Variants in BMPR1B observed in about 807,000 individuals in gnomAD.
BMPR1B encodes the protein bone morphogenetic protein receptor type-1B.
A neutral mutation model predicts 59.1 loss-of-function variants in BMPR1B; 12 were observed. The ratio of observed to expected loss-of-function variants is 0.20; its 90% CI spans 0.13 to 0.33. The LOEUF (loss-of-function observed/expected upper bound fraction) is 0.33. Ranked by LOEUF, BMPR1B falls within the 10% of genes least tolerant of loss-of-function variation. BMPR1B has a pLI of 1.00. For synonymous variants in BMPR1B, 237 were observed against 207.3 expected, an observed-to-expected ratio of 1.14 and a Z score of -1.23; for missense variants, 550 against 610.9, an observed-to-expected ratio of 0.90 and a Z score of 1.05.
chr4:94,813,976 A>G (rs752998321), intron 1 of BMPR1B, among the ~76,000 whole-genome samples: 9 of 152,214 alleles, frequency 5.9e-5, no homozygotes, highest in Non-Finnish European at 8.8e-5. Context: ...TTAAGTTGCT[A>G]TGCCTATGAG....
At chr4:94,847,504 T>C (rs889671894) in intron 1 of BMPR1B, among the ~76,000 whole-genome samples, 1 of 152,190 alleles carries the variant, frequency 6.6e-6, no homozygotes, top group Non-Finnish European at 1.5e-5. Flanking sequence ...ATTGCAGCAC[T>C]GTTCACAATA....
chr4:94,816,590 C>T (rs186852774), intron 1 of BMPR1B, among the ~76,000 whole-genome samples: 3 of 152,106 alleles, frequency 2.0e-5, no homozygotes, highest in Admixed American at 2.0e-4. Context: ...CTTCATTTTG[C>T]CATCATTTTT....
chr4:94,985,189 C>T (rs987595288), intron 2 of BMPR1B, among the ~76,000 whole-genome samples: 1 of 151,738 alleles, frequency 6.6e-6, no homozygotes, highest in African/African-American at 2.4e-5. Context: ...CCTCTGTTGC[C>T]AGAGGAGGTC....
intron 2 of BMPR1B, among the ~76,000 whole-genome samples, chr4:94,886,068 A>G (rs963958226): frequency 6.6e-6 from 1 of 152,210 alleles, no homozygotes; most frequent in African/African-American, 2.4e-5. Context: ...CTGCATTTCC[A>G]AAAATCCAGG....
chr4:94,937,739 G>C (rs906642431), intron 2 of BMPR1B, among the ~76,000 whole-genome samples: 26 of 112,850 alleles, frequency 2.3e-4, no homozygotes, highest in African/African-American at 8.4e-4. Flanking sequence ...CACACACACA[G>C]ACACACACAA....
intron 3 of BMPR1B, among the ~76,000 whole-genome samples, chr4:95,083,037 C>CAAAAAAAAA (rs1171888403): frequency 3.3e-5 from 2 of 60,616 alleles, no homozygotes; most frequent in Non-Finnish European, 5.6e-5. Context: ...TACTCTGTCT[C>CAAAAAAAAA]AAAAAAAAAA....
chr4:94,780,200 A>C (rs1296332050), intron 1 of BMPR1B, among the ~76,000 whole-genome samples: 1 of 152,112 alleles, frequency 6.6e-6, no homozygotes, highest in Admixed American at 6.6e-5. Context: ...ACTAGCCCTC[A>C]GTAGCCACTA....
intron 6 of BMPR1B, among the ~76,000 whole-genome samples, chr4:95,118,549 A>G (rs1400715606): frequency 6.6e-6 from 1 of 152,164 alleles, no homozygotes; most frequent in Non-Finnish European, 1.5e-5. Flanking sequence ...GTGATTCTTA[A>G]CTTGCCTCTC....
intron 8 of BMPR1B, among the ~76,000 whole-genome samples, chr4:95,128,975 G>A (rs1349260903): frequency 6.9e-6 from 1 of 144,952 alleles, no homozygotes; most frequent in Non-Finnish European, 1.5e-5. Flanking sequence ...ATTTTTTTTT[G>A]TTCTCCTTTT....
chr4:94,867,610 T>C (rs1264622459), intron 1 of BMPR1B, among the ~76,000 whole-genome samples: 1 of 152,196 alleles, frequency 6.6e-6, no homozygotes, highest in Non-Finnish European at 1.5e-5. Flanking sequence ...TTCTCTCTGT[T>C]TTGTGAGCTT....
intron 4 of BMPR1B, among the ~76,000 whole-genome samples, chr4:95,112,717 G>T (rs1731716779): frequency 1.3e-5 from 2 of 152,060 alleles, no homozygotes; most frequent in Admixed American, 1.3e-4. Flanking sequence ...TCTCTTTGCA[G>T]ACAAGGGGTG....
chr4:94,767,861 T>G (rs1331705039), intron 1 of BMPR1B, among the ~76,000 whole-genome samples: 3 of 152,152 alleles, frequency 2.0e-5, no homozygotes, highest in Admixed American at 1.3e-4. Flanking sequence ...GGATACTATA[T>G]TCTTCCTCCT....
chr4:95,158,218 AC>A lies in BMPR1B; in HGVS notation c.*3546del, dbSNP rs1176671105. The A allele has an allele frequency of 3.9e-5, 6 of 152,214 alleles. No individual in the cohort carries two copies. Among genetic ancestry groups the A allele is most frequent in the South Asian group, 4.1e-4 (2 of 4,832 alleles). 9.4% of individuals were successfully genotyped at this position (152,214 alleles called of 1,614,324 possible). A position where few individuals can be genotyped will look rare whatever the true frequency, so the allele number is the denominator to read the frequency against. On this transcript the variant is annotated 3_prime_UTR_variant, in exon 13 of 13. Coordinates refer to ENST00000515059, the MANE Select transcript of BMPR1B (RefSeq NM_001203.3). Reference sequence around the variant, plus strand: ...TCCTCTTGTAAAACAAAACAAAAAAACAATGCCATATTTTTTGGAGAAAAGT... The same window carrying A: ...TCCTCTTGTAAAACAAAACAAAAAAAAATGCCATATTTTTTGGAGAAAAGT...
intron 3 of BMPR1B, among the ~76,000 whole-genome samples, chr4:95,060,935 G>C (rs1309826088): frequency 6.6e-6 from 1 of 152,010 alleles, no homozygotes; most frequent in Non-Finnish European, 1.5e-5. Context: ...GAGTTTTCCA[G>C]ATAAACACTT....
chr4:95,112,998 G>A (rs929864505), intron 4 of BMPR1B, among the ~76,000 whole-genome samples: 10 of 152,014 alleles, frequency 6.6e-5, no homozygotes, highest in South Asian at 2.1e-4. Flanking sequence ...CATATTTTCC[G>A]GTAATTTTTG....
At chr4:94,767,509 CTTA>C (rs1161084610) in intron 1 of BMPR1B, among the ~76,000 whole-genome samples, 2 of 152,124 alleles carry the variant, frequency 1.3e-5, no homozygotes, top group Non-Finnish European at 2.9e-5. Context: ...TTCAAAAGTC[CTTA>C]TTCAACAGCT....
intron 1 of BMPR1B, among the ~76,000 whole-genome samples, chr4:94,790,355 A>T (rs1011008466): frequency 1.3e-5 from 2 of 152,224 alleles, no homozygotes; most frequent in African/African-American, 4.8e-5. Context: ...TTGTTGTAAC[A>T]TGGTGGACTA....
chr4:94,930,697 A>G (rs952728185), intron 2 of BMPR1B, among the ~76,000 whole-genome samples: 2 of 152,164 alleles, frequency 1.3e-5, no homozygotes, highest in African/African-American at 4.8e-5. Flanking sequence ...AAAGCCATCA[A>G]CAGACAATTA....
rs1051174763 is a variant in BMPR1B, at chr4:94,892,888, G to A, written c.-113+16988G>A. On this transcript the variant is annotated intron_variant, in intron 2 of 12. Coordinates refer to ENST00000515059, the MANE Select transcript of BMPR1B (RefSeq NM_001203.3). ...TGAATGTACTATTTCCTGAGGAAAT[G>A]TGGGATAACGAACTTTGGAGTTCAG... Among the ~76,000 whole-genome samples, 9 of 152,032 alleles carry A rather than the reference G, an allele frequency of 5.9e-5. No homozygotes were observed. The East Asian group carries it at 1.7e-3, about 29-fold the overall frequency.
Sources: allele counts gnomAD v4.1 joint callset (sites outside exome capture counted in the v4.1 genomes callset), GRCh38; gene constraint gnomAD v4.1.1; transcripts MANE v1.5; gene names NCBI Gene and HGNC (gene_info 2026-07-23, HGNC 2026-07-21).